Variants in CPS1 observed in about 807,000 individuals in gnomAD.
CPS1 encodes carbamoyl-phosphate synthase 1.
In CPS1, 109 loss-of-function variants were observed where a neutral mutation model predicts 174.6. The ratio of observed to expected loss-of-function variants is 0.62; its 90% CI spans 0.53 to 0.73. The LOEUF is 0.73. Among genes scored for constraint, CPS1 ranks in the 30% least tolerant of loss-of-function variants. CPS1 has a pLI of 0.00. For missense variants in CPS1, 1,689 were observed against 1,821.9 expected (o/e 0.93, Z 1.33); for synonymous variants, 637 against 632.0 (o/e 1.01, Z -0.12).
At position 210,576,092 on chromosome 2, in the gene CPS1, AGAAATT is replaced by A. The variant is rs1276797462; in HGVS notation, c.237-251_237-246del. Among the ~76,000 whole-genome samples the A allele has an allele frequency of 5.9e-5, 9 of 152,262 alleles. No individual in the cohort carries two copies. In the East Asian group the frequency reaches 1.7e-3, roughly 29 times the overall value. On this transcript the variant is annotated intron_variant, in intron 2 of 37. Transcript: ENST00000233072. ...TTTTTAAAGGAATTAAAAAATTTAA[AGAAATT>A]GAGGGAATAAAACTTATATGAAAAT...
intron 24 of CPS1, among the ~76,000 whole-genome samples, chr2:210,640,489 G>A (rs1398371338): frequency 2.0e-5 from 3 of 152,062 alleles, no homozygotes; most frequent in South Asian, 4.2e-4. Flanking sequence ...TATGACTTTC[G>A]TTTACCTCAA....
chr2:210,668,984 CA>C (rs1486580002), intron 34 of CPS1, among the ~76,000 whole-genome samples: 2 of 152,134 alleles, frequency 1.3e-5, no homozygotes, highest in East Asian at 3.9e-4. Context: ...CTCAACTTAA[CA>C]CTCCAGATTG....
chr2:210,478,498 C>A (rs1346395590), intron 1 of CPS1, among the ~76,000 whole-genome samples: 1 of 151,776 alleles, frequency 6.6e-6, no homozygotes, highest in African/African-American at 2.4e-5. Context: ...TCTTTTTTTC[C>A]CGTGTTTGTG....
intron 21 of CPS1, among the ~76,000 whole-genome samples, chr2:210,620,597 C>G (rs1699479800): frequency 6.6e-6 from 1 of 151,978 alleles, no homozygotes; most frequent in South Asian, 2.1e-4. Context: ...AGAAATCTTA[C>G]AATCATGGCG....
intron 28 of CPS1, 49 bp from the exon 29 acceptor site, chr2:210,653,976 T>C: frequency 7.1e-7 from 1 of 1,416,906 alleles, no homozygotes; most frequent in Non-Finnish European, 1.0e-6. Context: ...TGACACTATA[T>C]ACATAGCGTT....
At chr2:210,612,378 A>C in intron 20 of CPS1, 85 bp downstream of exon 20, 1 of 1,518,806 alleles carries the variant, frequency 6.6e-7, no homozygotes, top group East Asian at 2.3e-5. Flanking sequence ...CTGAATCACA[A>C]AGTGGTTTTA....
chr2:210,491,990 G>A (rs1022528892), intron 1 of CPS1, among the ~76,000 whole-genome samples: 6 of 152,198 alleles, frequency 3.9e-5, no homozygotes, highest in Admixed American at 3.9e-4. Context: ...CAACACTATT[G>A]TAAGGGAGTT....
At chr2:210,667,024 C>T (rs1701125281) in intron 33 of CPS1, among the ~76,000 whole-genome samples, 1 of 152,158 alleles carries the variant, frequency 6.6e-6, no homozygotes, top group South Asian at 2.1e-4. Context: ...TTGTAGTTCT[C>T]CTTGAAGAGG....
intron 1 of CPS1, among the ~76,000 whole-genome samples, chr2:210,564,803 G>T (rs1011381877): frequency 6.6e-6 from 1 of 151,920 alleles, no homozygotes; most frequent in Admixed American, 6.6e-5. Flanking sequence ...GACCAGCATG[G>T]CCAACATGGT....
intron 1 of CPS1, among the ~76,000 whole-genome samples, chr2:210,532,975 A>G (rs1470734467): frequency 6.6e-6 from 1 of 152,216 alleles, no homozygotes; most frequent in Non-Finnish European, 1.5e-5. Context: ...GTTATTATCA[A>G]GCTAATGTGG....
Position 210,558,031 on chromosome 2 carries a change from G to GGA in CPS1, c.126+1185_126+1186dup, listed in dbSNP as rs368957200. On this transcript the variant is annotated intron_variant, in intron 1 of 37. Coordinates refer to ENST00000233072, the MANE Select transcript of CPS1 (RefSeq NM_001875.5). ...AGGGGAGAAGTGTGAGGGATGGGAG[G>GGA]GAGAGAGAGAGAGAAAGAGAGAGAA... Among the ~76,000 whole-genome samples, 6 of 150,904 alleles carry GGA rather than the reference G, an allele frequency of 4.0e-5. No homozygotes were observed. In the South Asian group the frequency reaches 6.3e-4, roughly 16 times the overall value.
At chr2:210,572,121 C>T (rs984452356) in intron 1 of CPS1, among the ~76,000 whole-genome samples, 3 of 151,846 alleles carry the variant, frequency 2.0e-5, no homozygotes, top group South Asian at 2.1e-4. Flanking sequence ...CTCTATATGC[C>T]TGTCTATCCC....
chr2:210,633,902 T>C (rs777296795), intron 21 of CPS1, among the ~76,000 whole-genome samples: 3 of 152,220 alleles, frequency 2.0e-5, no homozygotes, highest in Non-Finnish European at 4.4e-5. Flanking sequence ...GATGGTTCTT[T>C]TCAAGGCATG....
intron 1 of CPS1, among the ~76,000 whole-genome samples, chr2:210,511,833 T>A (rs1237816900): frequency 2.0e-5 from 3 of 152,118 alleles, no homozygotes; most frequent in Admixed American, 1.3e-4. Flanking sequence ...TGCAGGCATA[T>A]ATACCTTGTG....
intron 1 of CPS1, among the ~76,000 whole-genome samples, chr2:210,523,078 C>T (rs1450381549): frequency 6.6e-6 from 1 of 151,966 alleles, no homozygotes; most frequent in Non-Finnish European, 1.5e-5. Context: ...CTGGCCCTAA[C>T]ACTAACTAGC....
chr2:210,501,844 A>G (rs765229484), intron 1 of CPS1, among the ~76,000 whole-genome samples: 4 of 152,148 alleles, frequency 2.6e-5, no homozygotes, highest in East Asian at 1.9e-4. Flanking sequence ...ATTTTCAGCT[A>G]TCTTTACAGC....
intron 1 of CPS1, among the ~76,000 whole-genome samples, chr2:210,525,935 G>A (rs906290406): frequency 5.9e-5 from 9 of 151,652 alleles, no homozygotes; most frequent in African/African-American, 1.5e-4. Context: ...AGAATGGCAC[G>A]TGCAAGAAAA....
intron 18 of CPS1, among the ~76,000 whole-genome samples, 166 bp from the exon 19 acceptor site, chr2:210,608,195 A>G (rs1226710909): frequency 1.3e-5 from 2 of 151,886 alleles, no homozygotes; most frequent in Non-Finnish European, 2.9e-5. Flanking sequence ...CATGACTCCT[A>G]TTATTCCGCA....
intron 1 of CPS1, among the ~76,000 whole-genome samples, chr2:210,498,855 C>T (rs1695071691): frequency 6.6e-6 from 1 of 151,822 alleles, no homozygotes; most frequent in Non-Finnish European, 1.5e-5. Flanking sequence ...AGAGCTCAGG[C>T]TGGCAAGCCA....
Sources: allele counts gnomAD v4.1 joint callset (sites outside exome capture counted in the v4.1 genomes callset), GRCh38; gene constraint gnomAD v4.1.1; transcripts MANE v1.5; gene names NCBI Gene and HGNC (gene_info 2026-07-23, HGNC 2026-07-21).